Variants in LRRTM4 observed in about 807,000 individuals in gnomAD.
LRRTM4 encodes the protein leucine-rich repeat transmembrane neuronal protein 4.
In LRRTM4, 25 loss-of-function variants were observed where a neutral mutation model predicts 47.6. The ratio of observed to expected loss-of-function variants is 0.53; its 90% CI spans 0.38 to 0.73. LRRTM4 has a LOEUF of 0.73. Among genes scored for constraint, LRRTM4 ranks in the 30% least tolerant of loss-of-function variants. The pLI is 0.00. For missense variants in LRRTM4, 638 were observed against 713.4 expected (o/e 0.89, Z 1.20); for synonymous variants, 311 against 269.5 (o/e 1.15, Z -1.51).
At chr2:77,518,150 C>A in intron 3 of LRRTM4, 168 bp downstream of exon 3, 2 of 1,257,860 alleles carry the variant, frequency 1.6e-6, no homozygotes, top group Admixed American at 7.8e-5. Context: ...AAAAAGCAGT[C>A]AATTTCCTGG....
intron 3 of LRRTM4, among the ~76,000 whole-genome samples, chr2:76,757,640 C>T (rs1673091458): frequency 6.6e-6 from 1 of 152,082 alleles, no homozygotes; most frequent in Admixed American, 6.6e-5. Context: ...TGTAAGCAAA[C>T]AACCTGTTTA....
At chr2:76,804,606 A>C (rs1197797249) in intron 3 of LRRTM4, among the ~76,000 whole-genome samples, 1 of 149,274 alleles carries the variant, frequency 6.7e-6, no homozygotes, top group Non-Finnish European at 1.5e-5. Context: ...TACTATGCAT[A>C]CTATACATAT....
intron 3 of LRRTM4, among the ~76,000 whole-genome samples, chr2:76,919,779 A>G (rs1378520914): frequency 6.6e-6 from 1 of 152,178 alleles, no homozygotes; most frequent in Non-Finnish European, 1.5e-5. Context: ...TGCACATTAT[A>G]GCATACAAAT....
intron 3 of LRRTM4, among the ~76,000 whole-genome samples, chr2:76,908,598 T>G (rs1427876620): frequency 2.0e-5 from 3 of 152,182 alleles, no homozygotes; most frequent in Admixed American, 6.5e-5. Context: ...AAAACCCCAT[T>G]GTCTCAGCCC....
chr2:76,947,281 C>T (rs1194795788), intron 3 of LRRTM4, among the ~76,000 whole-genome samples: 1 of 151,806 alleles, frequency 6.6e-6, no homozygotes. Flanking sequence ...TTAAGTCTCA[C>T]TGTACCCCTG....
chr2:77,056,002 G>A (rs1573509228), intron 3 of LRRTM4, among the ~76,000 whole-genome samples: 1 of 137,300 alleles, frequency 7.3e-6, no homozygotes, highest in East Asian at 2.2e-4. Flanking sequence ...AGAACACACG[G>A]ACACAGGAAG....
At chr2:76,789,703 A>AGGAGT (rs1674869856) in intron 3 of LRRTM4, among the ~76,000 whole-genome samples, 1 of 152,086 alleles carries the variant, frequency 6.6e-6, no homozygotes, top group Non-Finnish European at 1.5e-5. Context: ...ATCATGAGGG[A>AGGAGT]GGAGTGTTAA....
intron 3 of LRRTM4, among the ~76,000 whole-genome samples, chr2:77,367,164 T>G (rs1427217913): frequency 6.6e-6 from 1 of 151,784 alleles, no homozygotes; most frequent in African/African-American, 2.4e-5. Context: ...CACCTAATTA[T>G]CTTGTGCTCC....
chr2:77,288,897 T>A (rs996884350), intron 3 of LRRTM4, among the ~76,000 whole-genome samples: 1 of 151,750 alleles, frequency 6.6e-6, no homozygotes, highest in Non-Finnish European at 1.5e-5. Flanking sequence ...GTTACAACGC[T>A]ATTACCACAT....
At chr2:77,083,088 T>C (rs1680583919) in intron 3 of LRRTM4, among the ~76,000 whole-genome samples, 1 of 152,218 alleles carries the variant, frequency 6.6e-6, no homozygotes, top group African/African-American at 2.4e-5. Flanking sequence ...TTTCTGTTTT[T>C]AGTAAATATA....
intron 3 of LRRTM4, among the ~76,000 whole-genome samples, chr2:77,030,728 A>G (rs1678623372): frequency 2.0e-5 from 3 of 152,322 alleles, no homozygotes; most frequent in South Asian, 4.1e-4. Flanking sequence ...AAAAAGACGC[A>G]TTATTTCCTT....
chr2:76,979,518 T>C lies in LRRTM4; in HGVS notation c.1552-230602A>G, dbSNP rs1676525836. Among the ~76,000 whole-genome samples the C allele has an allele frequency of 2.0e-5, 3 of 150,784 alleles. No individual in the cohort carries two copies. The South Asian group carries it at 6.2e-4, about 31-fold the overall frequency. On this transcript the variant is annotated intron_variant, in intron 3 of 3. Transcript: ENST00000409884. ...ACAGCACAGACAATGCATATCTAAT[T>C]CAGACTGCAAAACTGAATTTCTGTA... is the stretch of plus-strand genomic sequence containing the variant.
chr2:76,822,167 G>A (rs1452505634), intron 3 of LRRTM4, among the ~76,000 whole-genome samples: 3 of 151,294 alleles, frequency 2.0e-5, no homozygotes, highest in African/African-American at 4.8e-5. Flanking sequence ...TTTTTGAACA[G>A]CACGTGCCTT....
At chr2:77,085,158 T>C (rs1680667556) in intron 3 of LRRTM4, among the ~76,000 whole-genome samples, 1 of 152,130 alleles carries the variant, frequency 6.6e-6, no homozygotes, top group Non-Finnish European at 1.5e-5. Flanking sequence ...ACTAAATTTA[T>C]GAAGAAATAT....
intron 3 of LRRTM4, among the ~76,000 whole-genome samples, chr2:76,764,910 A>G (rs1673397566): frequency 6.6e-6 from 1 of 152,172 alleles, no homozygotes; most frequent in African/African-American, 2.4e-5. Context: ...TGGTTTCAAC[A>G]AGCCAGGCTG....
intron 3 of LRRTM4, among the ~76,000 whole-genome samples, chr2:76,800,631 C>T (rs1373484904): frequency 2.2e-5 from 3 of 135,012 alleles, no homozygotes. Flanking sequence ...AGAGCTTCTG[C>T]ACAGCAAAAG....
At chr2:77,347,108 C>T (rs1671593388) in intron 3 of LRRTM4, among the ~76,000 whole-genome samples, 1 of 152,140 alleles carries the variant, frequency 6.6e-6, no homozygotes, top group African/African-American at 2.4e-5. Flanking sequence ...TCTCTACTGT[C>T]TCTGATTTGA....
chr2:77,004,152 T>C (rs1300919566), intron 3 of LRRTM4, among the ~76,000 whole-genome samples: 1 of 152,194 alleles, frequency 6.6e-6, no homozygotes, highest in African/African-American at 2.4e-5. Context: ...AACCCCATTT[T>C]CTGGGGAGAA....
At chr2:76,831,345 A>C (rs1671346922) in intron 3 of LRRTM4, among the ~76,000 whole-genome samples, 1 of 152,154 alleles carries the variant, frequency 6.6e-6, no homozygotes, top group Admixed American at 6.6e-5. Context: ...GCGTGTGCAC[A>C]CGCTCGCATT....
Sources: allele counts gnomAD v4.1 joint callset (sites outside exome capture counted in the v4.1 genomes callset), GRCh38; gene constraint gnomAD v4.1.1; transcripts MANE v1.5; gene names NCBI Gene and HGNC (gene_info 2026-07-23, HGNC 2026-07-21).